Variants in CDH4 observed in about 807,000 individuals in gnomAD.
CDH4 encodes the protein cadherin 4.
Under a neutral mutation model 86.0 loss-of-function variants are expected in CDH4, and 33 were observed. The ratio of observed to expected loss-of-function variants is 0.38; its 90% CI spans 0.29 to 0.51. The LOEUF is 0.51. CDH4 is among the 20% of genes least tolerant of loss of function. The probability of loss-of-function intolerance (pLI) is 0.86; values close to 1 mark genes in which losing one functional copy is unlikely to be tolerated. For missense variants in CDH4, 1,114 were observed against 1,307.4 expected (o/e 0.85, Z 2.28); for synonymous variants, 555 against 549.4 (o/e 1.01, Z -0.14).
chr20:61,921,228 A>G (rs906545343), intron 9 of CDH4, among the ~76,000 whole-genome samples: 3 of 140,126 alleles, frequency 2.1e-5, no homozygotes, highest in African/African-American at 8.2e-5. Context: ...GTGTCACAGT[A>G]ATTGCATGGA....
chr20:61,396,757 G>A (rs915550930), intron 2 of CDH4, among the ~76,000 whole-genome samples: 3 of 152,190 alleles, frequency 2.0e-5, no homozygotes, highest in East Asian at 1.9e-4. Context: ...TCAATCAGTC[G>A]CCATAGGCAC....
At chr20:61,804,363 C>G (rs997076804) in intron 4 of CDH4, among the ~76,000 whole-genome samples, 1 of 152,208 alleles carries the variant, frequency 6.6e-6, no homozygotes, top group African/African-American at 2.4e-5. Flanking sequence ...AGAGCTGTCC[C>G]CTGCACAGCC....
In CDH4 at chr20:61,709,580, TTGAA is replaced by T. The variant is rs1486062335; in HGVS notation, c.170-33979_170-33976del. Among the ~76,000 whole-genome samples, 2 of 146,356 alleles carry T rather than the reference TTGAA, an allele frequency of 1.4e-5. No homozygotes were observed. The highest frequency in any genetic ancestry group is 3.1e-5 in the Non-Finnish European group (2 of 65,378). ...CATGAGCCACTGTGCCTGGCAATTTTTGAATGACAATTTTTTTTTTTTTATCGCT... is the reference window on the plus strand; with the variant it reads ...CATGAGCCACTGTGCCTGGCAATTTTTGACAATTTTTTTTTTTTTATCGCT... On this transcript the variant is annotated intron_variant, in intron 2 of 15. Transcript: ENST00000614565. The surrounding 1 kb of genome is among the most constrained non-coding windows in gnomAD (Gnocchi z 4.8).
chr20:61,916,095 C>G (rs1460629952), intron 9 of CDH4, among the ~76,000 whole-genome samples: 2 of 150,488 alleles, frequency 1.3e-5, no homozygotes, highest in Non-Finnish European at 2.9e-5. Flanking sequence ...GATGCTTCGC[C>G]TTAGAAAACA....
intron 4 of CDH4, among the ~76,000 whole-genome samples, chr20:61,809,429 T>A (rs1980313559): frequency 6.6e-6 from 1 of 152,242 alleles, no homozygotes; most frequent in Non-Finnish European, 1.5e-5. Flanking sequence ...ATTACATAAC[T>A]AAAACCAATT....
At chr20:61,364,368 C>T (rs1393685419) in intron 2 of CDH4, among the ~76,000 whole-genome samples, 1 of 152,202 alleles carries the variant, frequency 6.6e-6, no homozygotes, top group African/African-American at 2.4e-5. Flanking sequence ...TCCCTGGGGG[C>T]TCCTCACACC....
intron 2 of CDH4, among the ~76,000 whole-genome samples, chr20:61,587,880 C>T (rs886764991): frequency 6.6e-6 from 1 of 152,120 alleles, no homozygotes; most frequent in African/African-American, 2.4e-5. Context: ...GATAATCCCC[C>T]ACTCCGCCCC....
chr20:61,934,182 G>A lies in CDH4; in HGVS notation c.2506G>A (p.Val836Met), dbSNP rs1333987496. 6.3e-7 allele frequency: 1 copy of A among 1,590,012 alleles called. No homozygotes were observed. Reference sequence around the variant, plus strand: ...GCCCCAGTACCCGATCAGGCCCATGGTGCCGCACCCAGGCGACATCGGTGA... The same window carrying A: ...GCCCCAGTACCCGATCAGGCCCATGATGCCGCACCCAGGCGACATCGGTGA... ...AEPQYPIRPM[V>M]PHPGDIGDFI... The change falls in exon 15 of 16, where the codon GTG becomes ATG. Residue 836 changes from valine (V) to methionine (M), a missense_variant. Physicochemically the swap from Val to Met is conservative, Grantham distance 21. Coordinates refer to ENST00000614565, the MANE Select transcript of CDH4 (RefSeq NM_001794.5).
At chr20:61,255,094 G>A (rs755793280) in intron 2 of CDH4, among the ~76,000 whole-genome samples, 157 bp downstream of exon 2, 4 of 152,170 alleles carry the variant, frequency 2.6e-5, no homozygotes, top group Admixed American at 6.5e-5. Context: ...CCTGAAAGGC[G>A]TTTTGCATAA....
At chr20:61,550,108 G>C (rs1363211163) in intron 2 of CDH4, among the ~76,000 whole-genome samples, 3 of 143,990 alleles carry the variant, frequency 2.1e-5, no homozygotes, top group Non-Finnish European at 4.5e-5. Context: ...AGCTTCTCTG[G>C]CTTCCTTAGG....
intron 3 of CDH4, among the ~76,000 whole-genome samples, chr20:61,768,437 C>A (rs973892266): frequency 1.3e-5 from 2 of 152,130 alleles, no homozygotes; most frequent in Non-Finnish European, 2.9e-5. Context: ...TATCTAGTTT[C>A]TGGTAATGGT....
rs189316142 is a variant in CDH4 at position 61,896,214 on chromosome 20, G to A, written c.1188+1167G>A. On this transcript the variant is annotated intron_variant, in intron 8 of 15. Transcript: ENST00000614565. The stretch of plus-strand genomic sequence containing the variant: ...CTAGCCTCTGATCCCAGCCAACCCC[G>A]ACCAACCCAGTGACAGATGAGGACT... Among the ~76,000 whole-genome samples, 546 of 152,310 alleles carry A rather than the reference G, an allele frequency of 3.6e-3. 11 individuals carry two copies. The highest frequency in any genetic ancestry group is 0.029 in the Admixed American group (440 of 15,302).
chr20:61,793,567 C>T (rs751196502), intron 4 of CDH4, among the ~76,000 whole-genome samples: 8 of 152,014 alleles, frequency 5.3e-5, no homozygotes, highest in South Asian at 2.1e-4. Context: ...TGAGGCCGGG[C>T]GCAGTGGCTC....
chr20:61,386,928 C>G (rs1317217872), intron 2 of CDH4, among the ~76,000 whole-genome samples: 1 of 152,254 alleles, frequency 6.6e-6, no homozygotes, highest in Non-Finnish European at 1.5e-5. Context: ...CAAGACCACA[C>G]TCCGGGTCAA....
chr20:61,444,104 GTGAT>G (rs2085329489), intron 2 of CDH4, among the ~76,000 whole-genome samples: 3 of 151,400 alleles, frequency 2.0e-5, no homozygotes, highest in African/African-American at 7.3e-5. Flanking sequence ...GATTCTGTGT[GTGAT>G]TGTGTGTATC....
At chr20:61,549,545 C>G (rs900348819) in intron 2 of CDH4, among the ~76,000 whole-genome samples, 1 of 152,236 alleles carries the variant, frequency 6.6e-6, no homozygotes, top group Non-Finnish European at 1.5e-5. Context: ...GCTTTGTGTA[C>G]AAAGTTTTCA....
At chr20:61,532,179 G>A (rs1015742501) in intron 2 of CDH4, among the ~76,000 whole-genome samples, 3 of 152,184 alleles carry the variant, frequency 2.0e-5, no homozygotes, top group African/African-American at 7.2e-5. Flanking sequence ...CGCCTGCAGG[G>A]CATGGACCCC....
At chr20:61,579,395 T>TCTTGC (rs2086408794) in intron 2 of CDH4, among the ~76,000 whole-genome samples, 1 of 151,532 alleles carries the variant, frequency 6.6e-6, no homozygotes, top group Non-Finnish European at 1.5e-5. Flanking sequence ...CAAGTGATTC[T>TCTTGC]CTTGCCTCAA....
intron 3 of CDH4, among the ~76,000 whole-genome samples, chr20:61,745,898 G>A (rs1214338442): frequency 6.6e-6 from 1 of 152,212 alleles, no homozygotes. Flanking sequence ...TGTTAATGAA[G>A]CGATTTCAGA....
Sources: gnomAD v4.1 joint callset for allele counts (sites outside exome capture counted in the v4.1 genomes callset) on GRCh38, gnomAD v4.1.1 for gene constraint, Gnocchi (gnomAD v3.1) non-coding constraint, MANE v1.5 for transcripts, NCBI Gene and HGNC (gene_info 2026-07-23, HGNC 2026-07-21) for gene names.